The following TCF20 variants were observed in gnomAD, a reference collection of about 807,000 sequenced individuals.
TCF20 encodes the protein SPRE-binding protein.
Under a neutral mutation model 148.6 loss-of-function variants are expected in TCF20, and 3 were observed. The observed-to-expected ratio is 0.02, with a 90% CI of 0.01 to 0.05. The LOEUF (loss-of-function observed/expected upper bound fraction) is 0.05. TCF20 is among the 10% of genes least tolerant of loss of function. The pLI is 1.00. For synonymous variants in TCF20, 1,049 were observed against 909.5 expected (o/e 1.15, Z -2.76); for missense variants, 2,350 against 2,429.3 (o/e 0.97, Z 0.69).
At chr22:42,173,243 T>TA (rs1555910598) in intron 3 of TCF20, among the ~76,000 whole-genome samples, 1,676 of 137,318 alleles carry the variant, frequency 0.012, 21 homozygotes, top group African/African-American at 0.034. Context: ...ATACATTAAT[T>TA]AAAAAAAAAA....
chr22:42,235,141 C>CAA (rs34834610), intron 1 of TCF20, among the ~76,000 whole-genome samples: 1,840 of 109,100 alleles, frequency 0.017, 22 homozygotes, highest in South Asian at 0.033. Context: ...GACTCTGTCT[C>CAA]AAAAAAAAAA....
intron 2 of TCF20, among the ~76,000 whole-genome samples, chr22:42,181,656 G>A (rs1936781286): frequency 6.6e-6 from 1 of 150,524 alleles, no homozygotes; most frequent in Non-Finnish European, 1.5e-5. Context: ...CACCCAGGAT[G>A]GAGTGCAGTG....
At chr22:42,254,978 A>AAAAAAAAAAAAAC (rs1925647293) in intron 1 of TCF20, among the ~76,000 whole-genome samples, 1 of 150,936 alleles carries the variant, frequency 6.6e-6, no homozygotes. Flanking sequence ...AAAAAAAAAA[A>AAAAAAAAAAAAAC]AGGTAGAGGA....
chr22:42,263,230 C>G (rs1416862482), intron 1 of TCF20, among the ~76,000 whole-genome samples: 1 of 152,186 alleles, frequency 6.6e-6, no homozygotes, highest in South Asian at 2.1e-4. Flanking sequence ...CGTGGACTTT[C>G]TTCAGCAATA....
At chr22:42,190,475 C>CA (rs1329481735) in intron 2 of TCF20, among the ~76,000 whole-genome samples, 2 of 151,570 alleles carry the variant, frequency 1.3e-5, no homozygotes, top group Admixed American at 6.6e-5. Context: ...CACACACACA[C>CA]ACACCCTGCA....
At chr22:42,264,520 C>G (rs1378360650) in intron 1 of TCF20, among the ~76,000 whole-genome samples, 1 of 152,184 alleles carries the variant, frequency 6.6e-6, no homozygotes, top group Non-Finnish European at 1.5e-5. Context: ...AACACTTCAA[C>G]CAGCCCACTT....
intron 3 of TCF20, among the ~76,000 whole-genome samples, chr22:42,173,890 T>C (rs374398476): frequency 8.5e-5 from 13 of 152,154 alleles, no homozygotes; most frequent in East Asian, 3.8e-4. Context: ...CCCAGACCCC[T>C]CTGTCTTGCT....
At chr22:42,230,653 C>G (rs1022607122) in intron 1 of TCF20, among the ~76,000 whole-genome samples, 1 of 142,988 alleles carries the variant, frequency 7.0e-6, no homozygotes, top group Non-Finnish European at 1.6e-5. Flanking sequence ...AAAAAAAAAA[C>G]CAAAGCAAAC....
At chr22:42,313,294 C>T (rs890356399) in intron 1 of TCF20, among the ~76,000 whole-genome samples, 1 of 152,164 alleles carries the variant, frequency 6.6e-6, no homozygotes. Flanking sequence ...ATGGACAAGG[C>T]GAGGTTCTCA....
chr22:42,262,290 G>T (rs969989323), intron 1 of TCF20, among the ~76,000 whole-genome samples: 1 of 152,226 alleles, frequency 6.6e-6, no homozygotes, highest in Non-Finnish European at 1.5e-5. Flanking sequence ...GGTAAAGAGG[G>T]TAGTGGCAGT....
intron 5 of TCF20, among the ~76,000 whole-genome samples, chr22:42,161,892 G>A (rs1379538531): frequency 1.3e-5 from 2 of 151,412 alleles, no homozygotes; most frequent in African/African-American, 4.9e-5. Flanking sequence ...TGACCTCCTG[G>A]GCTCAAGCAA....
chr22:42,186,275 A>C (rs1937042333), intron 2 of TCF20, among the ~76,000 whole-genome samples: 2 of 152,210 alleles, frequency 1.3e-5, no homozygotes, highest in Admixed American at 1.3e-4. Context: ...ACACGTGTGA[A>C]AGCCAAAAGT....
In TCF20 at chr22:42,193,116, A is replaced by C. The variant is rs531204443; in HGVS notation, c.5656-13414T>G. 1.1e-4 allele frequency among the ~76,000 whole-genome samples: 16 copies of C among 152,296 alleles called. No homozygotes were observed. In the South Asian group the frequency reaches 3.3e-3, roughly 32 times the overall value. On this transcript the variant is annotated intron_variant, in intron 2 of 5. Coordinates refer to ENST00000677622, the MANE Select transcript of TCF20 (RefSeq NM_001378418.1). The stretch of plus-strand genomic sequence containing the variant: ...TGTTTCAGAAGATTCCTACCAGATT[A>C]GGAAGATACTCAGCAAGAGTACAAT...
At chr22:42,183,564 C>G (rs1470952769) in intron 2 of TCF20, among the ~76,000 whole-genome samples, 1 of 152,188 alleles carries the variant, frequency 6.6e-6, no homozygotes, top group African/African-American at 2.4e-5. Flanking sequence ...GGCAAGGAAG[C>G]ATGTTCTCCC....
rs370193630 is a variant in TCF20 at position 42,320,287 on chromosome 22, G to C, written c.-37+23192C>G. 1.3e-3 allele frequency among the ~76,000 whole-genome samples: 201 copies of C among 152,294 alleles called. 5 individuals are homozygous for C. The South Asian group carries it at 0.04, about 30-fold the overall frequency. On this transcript the variant is annotated intron_variant, in intron 1 of 1. Transcript: ENST00000515426. ...AGAGCCATGGAATGCAGCAATGAGA[G>C]CAGGCAGGATGGAGCCGTACAGCCT...
rs1926557736 is a variant in TCF20 at position 42,270,572 on chromosome 22, A to AGGCCGC, written c.-276_-271dup. On this transcript the variant is annotated 5_prime_UTR_variant, in exon 1 of 6. Coordinates refer to ENST00000677622, the MANE Select transcript of TCF20 (RefSeq NM_001378418.1). ...GCCTCAGGGCGGGCTCCCCTGGCGGAGGCCGCGGCCGCCTCGCAGGGGCCG... is the reference window on the plus strand; with the variant it reads ...GCCTCAGGGCGGGCTCCCCTGGCGGAGGCCGCGGCCGCGGCCGCCTCGCAGGGGCCG... Among the ~76,000 whole-genome samples, 1 of 143,212 alleles carries AGGCCGC rather than the reference A, an allele frequency of 7.0e-6. No individual in the cohort carries two copies. Among genetic ancestry groups the AGGCCGC allele is most frequent in the Non-Finnish European group, 1.5e-5 (1 of 65,042 alleles). 94.0% of individuals were successfully genotyped at this position (143,212 alleles called of 152,430 possible). A position where few individuals can be genotyped will look rare whatever the true frequency, so the allele number is the denominator to read the frequency against.
intron 1 of TCF20, among the ~76,000 whole-genome samples, chr22:42,259,942 G>C (rs1459599978): frequency 6.6e-6 from 1 of 152,122 alleles, no homozygotes; most frequent in Non-Finnish European, 1.5e-5. Context: ...TGAGACCCTT[G>C]TCTCTATTTT....
chr22:42,212,575 G>A lies in TCF20; in HGVS notation c.2731C>T (p.Pro911Ser). 1 of 1,614,016 alleles carries A rather than the reference G, an allele frequency of 6.2e-7. No homozygotes were observed. Among genetic ancestry groups the A allele is most frequent in the East Asian group, 2.2e-5 (1 of 44,874 alleles). Residue 911 changes from proline (P) to serine (S), a missense_variant, in exon 2 of 6, where the codon CCT (proline) becomes TCT (serine). Coordinates refer to ENST00000677622, the MANE Select transcript of TCF20 (RefSeq NM_001378418.1). ...NPTLSQSVIL[P>S]GGLVSMETKL... ...GTTTCCATGGACACCAAACCACCAGGAAGAATGACCGACTGACTTAAAGTT... is the reference window on the plus strand; with the variant it reads ...GTTTCCATGGACACCAAACCACCAGAAAGAATGACCGACTGACTTAAAGTT...
intron 1 of TCF20, among the ~76,000 whole-genome samples, chr22:42,327,759 C>T (rs889304412): frequency 6.6e-6 from 1 of 151,214 alleles, no homozygotes; most frequent in Non-Finnish European, 1.5e-5. Flanking sequence ...TTCACAGAAT[C>T]CAAAAGTCCA....
Sources: gnomAD v4.1 joint callset for allele counts (sites outside exome capture counted in the v4.1 genomes callset) on GRCh38, gnomAD v4.1.1 for gene constraint, MANE v1.5 for transcripts, NCBI Gene and HGNC (gene_info 2026-07-23, HGNC 2026-07-21) for gene names.